STK31: variants seen among roughly 807,000 people sequenced by gnomAD.
STK31 encodes the protein serine/threonine kinase 31.
In STK31, 89 loss-of-function variants were observed where a neutral mutation model predicts 129.7. The ratio of observed to expected loss-of-function variants is 0.69; its 90% CI spans 0.58 to 0.82. The LOEUF is 0.82. Among genes scored for constraint, STK31 ranks in the 40% least tolerant of loss-of-function variants. The probability of loss-of-function intolerance (pLI) is 0.00; values close to 1 mark genes in which losing one functional copy is unlikely to be tolerated. For synonymous variants in STK31, 448 were observed against 395.3 expected, an observed-to-expected ratio of 1.13 and a Z score of -1.58; for missense variants, 1,187 against 1,176.4, an observed-to-expected ratio of 1.01 and a Z score of -0.13.
intron 23 of STK31, among the ~76,000 whole-genome samples, chr7:23,824,615 C>G (rs989648827): frequency 2.6e-5 from 4 of 152,128 alleles, no homozygotes; most frequent in African/African-American, 4.8e-5. Context: ...ATTGCCCTGG[C>G]CAGAACTTCC....
chr7:23,765,647 C>A (rs1199096105), intron 11 of STK31, among the ~76,000 whole-genome samples: 1 of 151,086 alleles, frequency 6.6e-6, no homozygotes, highest in African/African-American at 2.4e-5. Flanking sequence ...ACTTCTGCCT[C>A]CTGGGTTCAA....
At chr7:23,819,139 T>C (rs993133546) in intron 23 of STK31, among the ~76,000 whole-genome samples, 1 of 152,230 alleles carries the variant, frequency 6.6e-6, no homozygotes, top group African/African-American at 2.4e-5. Context: ...GATCTACTTT[T>C]GTGGTTTTCA....
rs10677070 is a variant in STK31 at position 23,765,558 on chromosome 7, C to CTTTT, written c.1416+2648_1416+2651dup. 1.5e-4 allele frequency among the ~76,000 whole-genome samples: 19 copies of CTTTT among 129,600 alleles called. 1 individual carries two copies. The highest frequency in any genetic ancestry group is 2.3e-4 in the South Asian group (1 of 4,294). The allele number at this position is 129,600 out of a possible 152,430, so 85.0% of individuals were successfully genotyped here. ...CTTTTTCTAACTTACACCTCTTATA[C>CTTTT]TTTTTTTTTTTTTTTTGAGATGGAG... is the stretch of plus-strand genomic sequence containing the variant. On this transcript the variant is annotated intron_variant, in intron 11 of 23. Coordinates refer to ENST00000355870, the MANE Select transcript of STK31 (RefSeq NM_031414.5).
chr7:23,779,365 C>T (rs1251520677), intron 15 of STK31, among the ~76,000 whole-genome samples: 1 of 152,192 alleles, frequency 6.6e-6, no homozygotes, highest in African/African-American at 2.4e-5. Context: ...AGCTCGAGCA[C>T]TGTGCTGGGA....
intron 15 of STK31, among the ~76,000 whole-genome samples, chr7:23,781,056 G>A (rs1424468439): frequency 1.3e-5 from 2 of 152,140 alleles, no homozygotes; most frequent in Admixed American, 6.5e-5. Context: ...ATATCATGTA[G>A]AAGACAATTC....
intron 8 of STK31, among the ~76,000 whole-genome samples, chr7:23,738,399 A>G (rs1413372878): frequency 2.2e-4 from 1 of 4,620 alleles, no homozygotes. Flanking sequence ...GTTTGTTTTG[A>G]GACAGTCTTG....
intron 22 of STK31, among the ~76,000 whole-genome samples, chr7:23,808,970 T>TGTGTGTGTGCGCGCGC (rs60631283): frequency 2.0e-4 from 28 of 139,660 alleles, no homozygotes; most frequent in African/African-American, 6.3e-4. Context: ...TGTGTGTGTG[T>TGTGTGTGTGCGCGCGC]GCCTGTGTCT....
Position 23,729,292 on chromosome 7 carries a change from C to A in STK31, c.483+43C>A, listed in dbSNP as rs757415186. On this transcript the variant is annotated intron_variant, in intron 6 of 23. Transcript: ENST00000355870. Reference sequence around the variant, plus strand: ...AATATTTTTGCTAATGAAAGTAAAACTATGTGCTTGAAACAAAATGTAGGT... The same window carrying A: ...AATATTTTTGCTAATGAAAGTAAAAATATGTGCTTGAAACAAAATGTAGGT... 5.3e-6 allele frequency: 8 copies of A among 1,514,120 alleles called. No individual in the cohort carries two copies. The African/African-American group carries it at 1.1e-4, about 21-fold the overall frequency. 93.8% of individuals were successfully genotyped at this position (1,514,120 alleles called of 1,614,324 possible). A position where few individuals can be genotyped will look rare whatever the true frequency, so the allele number is the denominator to read the frequency against.
intron 8 of STK31, among the ~76,000 whole-genome samples, chr7:23,738,242 G>A (rs1198808681): frequency 1.3e-5 from 2 of 152,148 alleles, no homozygotes; most frequent in South Asian, 2.1e-4. Context: ...CAAATAAATG[G>A]AAGATATATA....
chr7:23,714,087 C>T (rs1053303417), intron 3 of STK31, among the ~76,000 whole-genome samples: 3 of 152,030 alleles, frequency 2.0e-5, no homozygotes, highest in Admixed American at 6.6e-5. Context: ...TATAATCTTA[C>T]GGGACTACTG....
At chr7:23,710,114 TCCCGCAC>T, upstream of STK31, 1 of 1,160,934 alleles carries the variant, frequency 8.6e-7, no homozygotes, top group South Asian at 1.5e-5. Flanking sequence ...GTCAGGCGGC[TCCCGCAC>T]GCTTCTTCCT....
chr7:23,824,383 G>A (rs1005950755), intron 23 of STK31, among the ~76,000 whole-genome samples: 2 of 152,142 alleles, frequency 1.3e-5, no homozygotes, highest in African/African-American at 4.8e-5. Flanking sequence ...GTTCACTGAT[G>A]ATTTGACTCT....
At position 23,832,405 on chromosome 7, in the gene STK31, C is replaced by CTTTATG. The variant is rs1554300487; in HGVS notation, c.*42_*43insATGTTT. 5.4e-6 allele frequency: 8 copies of CTTTATG among 1,477,600 alleles called. No individual in the cohort carries two copies. In the East Asian group the frequency reaches 1.8e-4, roughly 33 times the overall value. 91.5% of individuals were successfully genotyped at this position (1,477,600 alleles called of 1,614,324 possible). A position where few individuals can be genotyped will look rare whatever the true frequency, so the allele number is the denominator to read the frequency against. On this transcript the variant is annotated 3_prime_UTR_variant, in exon 24 of 24. Transcript: ENST00000355870. The stretch of plus-strand genomic sequence containing the variant: ...TTGTTGCAGAGGTTCTTTTTAAAAA[C>CTTTATG]TTTGGTTTGGTTAATACACAGAAAT...
rs187697353 is a variant in STK31, at chr7:23,832,052, A to T, written c.2830-84A>T. The T allele has an allele frequency of 2.2e-5, 21 of 944,556 alleles. No individual in the cohort carries two copies. The East Asian group carries it at 4.5e-4, about 20-fold the overall frequency. The allele number at this position is 944,556 out of a possible 1,614,324, so 58.5% of individuals were successfully genotyped here. A position where few individuals can be genotyped will look rare whatever the true frequency, so the allele number is the denominator to read the frequency against. On this transcript the variant is annotated intron_variant, in intron 23 of 23. Transcript: ENST00000355870. Reference sequence around the variant, plus strand: ...AAACCCCTCCTTCCTGACTGTATTTATTGAAAAAATAAGTCCACTTCCTTC... The same window carrying T: ...AAACCCCTCCTTCCTGACTGTATTTTTTGAAAAAATAAGTCCACTTCCTTC...
intron 22 of STK31, among the ~76,000 whole-genome samples, chr7:23,804,605 C>T (rs1792581269): frequency 6.6e-6 from 1 of 152,098 alleles, no homozygotes; most frequent in African/African-American, 2.4e-5. Context: ...TTTATTCCGA[C>T]TCTTAATATA....
At chr7:23,727,385 T>A (rs1584337757) in intron 5 of STK31, 70 bp downstream of exon 5, 2 of 1,369,798 alleles carry the variant, frequency 1.5e-6, no homozygotes, top group East Asian at 2.3e-5. Context: ...ATTTGATGCT[T>A]ATTTAGCCCT....
intron 11 of STK31, among the ~76,000 whole-genome samples, chr7:23,766,900 A>C (rs1789862243): frequency 6.6e-6 from 1 of 152,184 alleles, no homozygotes; most frequent in African/African-American, 2.4e-5. Context: ...GTTAAACTAA[A>C]TAAATAAATA....
chr7:23,828,321 C>T (rs925125789), intron 23 of STK31, among the ~76,000 whole-genome samples: 8 of 152,210 alleles, frequency 5.3e-5, no homozygotes, highest in East Asian at 3.9e-4. Flanking sequence ...GCCTCGCTGC[C>T]GCCTTGCAGT....
At chr7:23,779,282 G>T (rs1458106313) in intron 15 of STK31, among the ~76,000 whole-genome samples, 1 of 152,200 alleles carries the variant, frequency 6.6e-6, no homozygotes, top group African/African-American at 2.4e-5. Flanking sequence ...GTCGTCCCCT[G>T]CTGGGAGGTG....
Sources: gnomAD v4.1 joint callset for allele counts (sites outside exome capture counted in the v4.1 genomes callset) on GRCh38, gnomAD v4.1.1 for gene constraint, MANE v1.5 for transcripts, NCBI Gene and HGNC (gene_info 2026-07-23, HGNC 2026-07-21) for gene names.